PCYOX1: variants seen among roughly 807,000 people sequenced by gnomAD.
PCYOX1 encodes prenylcysteine lyase.
PCYOX1 carries 46 observed loss-of-function variants against 46.4 expected under a neutral mutation model. That is an observed-to-expected ratio of 0.99 (90% CI 0.78 to 1.27). The LOEUF (loss-of-function observed/expected upper bound fraction) is 1.27. Ranked by LOEUF, PCYOX1 falls within the 50% of genes most tolerant of loss-of-function variation. The pLI is 0.00. For missense variants in PCYOX1, 658 were observed against 628.3 expected (o/e 1.05, Z -0.51); for synonymous variants, 220 against 231.8 (o/e 0.95, Z 0.46).
intron 3 of PCYOX1, among the ~76,000 whole-genome samples, chr2:70,263,046 C>G (rs1050677622): frequency 2.0e-5 from 3 of 151,920 alleles, no homozygotes; most frequent in Admixed American, 6.6e-5. Context: ...CCAGCCTGAC[C>G]AACATGGTAA....
chr2:70,268,098 T>G lies in PCYOX1; in HGVS notation c.494+6712T>G, dbSNP rs533101332. 5.8e-3 allele frequency among the ~76,000 whole-genome samples: 884 copies of G among 152,200 alleles called. 11 individuals carry two copies. Among genetic ancestry groups the G allele is most frequent in the African/African-American group, 0.02 (848 of 41,570 alleles). ...TGCTGGGATTACAGGTGTGAGCCAC[T>G]GCACCCGGCCGTAAATTTGTGTTGT... On this transcript the variant is annotated intron_variant, in intron 3 of 5. Transcript: ENST00000433351.
intron 3 of PCYOX1, among the ~76,000 whole-genome samples, chr2:70,263,164 G>T (rs1225101661): frequency 2.0e-5 from 3 of 151,804 alleles, no homozygotes; most frequent in African/African-American, 4.8e-5. Flanking sequence ...AACCTGGGAG[G>T]CAGAGGTTGC....
At chr2:70,263,202 C>G (rs1053566082) in intron 3 of PCYOX1, among the ~76,000 whole-genome samples, 1 of 150,908 alleles carries the variant, frequency 6.6e-6, no homozygotes, top group African/African-American at 2.4e-5. Flanking sequence ...CCATTACACT[C>G]TAGCCTGGGG....
rs1266514919 is a variant in PCYOX1, at chr2:70,279,123, C to G, written c.*1731C>G. 2.0e-5 allele frequency: 3 copies of G among 151,936 alleles called. No homozygotes were observed. The highest frequency in any genetic ancestry group is 4.4e-5 in the Non-Finnish European group (3 of 67,984). 9.4% of individuals were successfully genotyped at this position (151,936 alleles called of 1,614,324 possible). A position where few individuals can be genotyped will look rare whatever the true frequency, so the allele number is the denominator to read the frequency against. On this transcript the variant is annotated 3_prime_UTR_variant, in exon 6 of 6. Transcript: ENST00000433351. Reference sequence around the variant, plus strand: ...AAAAAATCCTTCCATTGAATAGAAACTTCAAAGTCCTTCATCAGATCATGG... The same window carrying G: ...AAAAAATCCTTCCATTGAATAGAAAGTTCAAAGTCCTTCATCAGATCATGG...
In PCYOX1 at chr2:70,275,606, A is replaced by T. The variant is rs748660213; in HGVS notation, c.799A>T (p.Ser267Cys). 1 of 1,614,164 alleles carries T rather than the reference A, an allele frequency of 6.2e-7. No homozygotes were observed. The highest frequency in any genetic ancestry group is 1.1e-5 in the South Asian group (1 of 91,088). The change falls in exon 5 of 6, where the codon AGC becomes TGC. Residue 267 changes from serine (S) to cysteine (C), a missense_variant. By Grantham distance (112) the Ser-to-Cys change is moderately radical. Transcript: ENST00000433351. ...VCSGLLQASK[S>C]NLISGSVMYI... ...CTCAGGGCTTCTGCAGGCATCCAAA[A>T]GCAATCTTATATCTGGCTCAGTAAT...
In PCYOX1 at chr2:70,261,295, A is replaced by T. The variant is rs376749102; in HGVS notation, c.403A>T (p.Ile135Leu). 37 of 1,610,418 alleles carry T rather than the reference A, an allele frequency of 2.3e-5. No homozygotes were observed. In the African/African-American group the frequency reaches 3.7e-4, roughly 16 times the overall value. Residue 135 changes from isoleucine (I) to leucine (L), a missense_variant, in exon 3 of 6, where the codon ATA (isoleucine) becomes TTA (leucine). Physicochemically the swap from Ile to Leu is conservative, Grantham distance 5. Coordinates refer to ENST00000433351, the MANE Select transcript of PCYOX1 (RefSeq NM_016297.4). ...GGTATTTGAGGAGAGCAACTGGTTCATAATTAACGTGATTAAATTAGTTTG... is the reference window on the plus strand; with the variant it reads ...GGTATTTGAGGAGAGCAACTGGTTCTTAATTAACGTGATTAAATTAGTTTG... ...TLVFEESNWF[I>L]INVIKLVWRY...
intron 3 of PCYOX1, 115 bp from the exon 4 acceptor site, chr2:70,274,844 G>A (rs1379540556): frequency 1.4e-5 from 10 of 721,690 alleles, no homozygotes; most frequent in East Asian, 5.3e-5. Flanking sequence ...GATTATAGGC[G>A]TGAGCCACTG....
At position 70,278,832 on chromosome 2, in the gene PCYOX1, A is replaced by G. The variant is rs1696721984; in HGVS notation, c.*1440A>G. On this transcript the variant is annotated 3_prime_UTR_variant, in exon 6 of 6. Transcript: ENST00000433351. ...GTAGAACAGAACAAGCAAAAGATTA[A>G]GAGTTCAAAAGTAAATGCAACCAAT... The G allele has an allele frequency of 6.6e-6, 1 of 152,252 alleles. No homozygotes were observed. The highest frequency in any genetic ancestry group is 1.5e-5 in the Non-Finnish European group (1 of 68,052). The allele number at this position is 152,252 out of a possible 1,614,324, so 9.4% of individuals were successfully genotyped here. A position where few individuals can be genotyped will look rare whatever the true frequency, so the allele number is the denominator to read the frequency against.
intron 3 of PCYOX1, among the ~76,000 whole-genome samples, chr2:70,264,361 CTG>C (rs1198035629): frequency 6.7e-6 from 1 of 150,344 alleles, no homozygotes; most frequent in Non-Finnish European, 1.5e-5. Flanking sequence ...GAGTTTCACT[CTG>C]TCACCCAGGC....
chr2:70,258,301 G>A lies in PCYOX1; in HGVS notation c.112+25G>A, dbSNP rs776971667. Reference sequence around the variant, plus strand: ...GGTAGGCGAGAAGGGGGCGGCGCGGGAAGGTGCTGGAGCGCGCCCCGCGCC... The same window carrying A: ...GGTAGGCGAGAAGGGGGCGGCGCGGAAAGGTGCTGGAGCGCGCCCCGCGCC... On this transcript the variant is annotated intron_variant, in intron 1 of 5. Transcript: ENST00000433351. 2.0e-6 allele frequency: 3 copies of A among 1,493,332 alleles called. No homozygotes were observed. In the South Asian group the frequency reaches 3.6e-5, roughly 18 times the overall value. The allele number at this position is 1,493,332 out of a possible 1,614,324, so 92.5% of individuals were successfully genotyped here.
chr2:70,267,351 G>T (rs1696541283), intron 3 of PCYOX1, among the ~76,000 whole-genome samples: 1 of 151,824 alleles, frequency 6.6e-6, no homozygotes, highest in African/African-American at 2.4e-5. Flanking sequence ...ACGATGGGCG[G>T]CCAGGCAAAG....
At chr2:70,261,165 G>T in intron 2 of PCYOX1, 47 bp from the exon 3 acceptor site, 1 of 1,310,228 alleles carries the variant, frequency 7.6e-7, no homozygotes, top group South Asian at 1.3e-5. Flanking sequence ...TCTTTCATTT[G>T]ATCAGCATAG....
At chr2:70,276,505 C>G (rs1043440960) in intron 5 of PCYOX1, among the ~76,000 whole-genome samples, 4 of 152,056 alleles carry the variant, frequency 2.6e-5, no homozygotes, top group Non-Finnish European at 5.9e-5. Flanking sequence ...CATGCCCGGC[C>G]GAAAGATAAT....
intron 3 of PCYOX1, among the ~76,000 whole-genome samples, chr2:70,271,056 T>A (rs1394317992): frequency 6.6e-6 from 1 of 151,828 alleles, no homozygotes; most frequent in Admixed American, 6.6e-5. Flanking sequence ...AATTATTATT[T>A]TTTTGTTTTT....
chr2:70,275,035 TTCC>T lies in PCYOX1; in HGVS notation c.573_575del (p.Leu192del), dbSNP rs766755572. 6.2e-7 allele frequency: 1 copy of T among 1,613,656 alleles called. No homozygotes were observed. Among genetic ancestry groups the T allele is most frequent in the Non-Finnish European group, 8.5e-7 (1 of 1,179,530 alleles). Reference sequence around the variant, plus strand: ...ACTTCATGCTCTAGGAGGAGATGACTTCCTTGGAATGCTTAATCGAACACTTCT... The same window carrying T: ...ACTTCATGCTCTAGGAGGAGATGACTTTGGAATGCTTAATCGAACACTTCT... On this transcript the variant is annotated inframe_deletion, in exon 4 of 6. Transcript: ENST00000433351.
chr2:70,259,596 G>A (rs779063510), intron 2 of PCYOX1, 30 bp downstream of exon 2: 1 of 1,487,634 alleles, frequency 6.7e-7, no homozygotes, highest in African/African-American at 1.4e-5. Context: ...GAGCTCACCA[G>A]ATTACTGTGT....
intron 5 of PCYOX1, among the ~76,000 whole-genome samples, chr2:70,276,299 A>C (rs866477851): frequency 6.6e-6 from 1 of 151,190 alleles, no homozygotes; most frequent in African/African-American, 2.4e-5. Context: ...CGTCCCGAGT[A>C]GCTGGGACTA....
chr2:70,272,415 C>G (rs2104897877), intron 3 of PCYOX1, among the ~76,000 whole-genome samples: 1 of 152,204 alleles, frequency 6.6e-6, no homozygotes, highest in African/African-American at 2.4e-5. Flanking sequence ...GCATGAACCA[C>G]TGCGCCTGGC....
chr2:70,258,062 A>C, upstream of PCYOX1: 14 of 880,584 alleles, frequency 1.6e-5, no homozygotes, highest in Non-Finnish European at 2.2e-5. Context: ...CGGGGCTCGC[A>C]GGGGCTGGGC....
Sources: allele counts gnomAD v4.1 joint callset (sites outside exome capture counted in the v4.1 genomes callset), GRCh38; gene constraint gnomAD v4.1.1; transcripts MANE v1.5; gene names NCBI Gene and HGNC (gene_info 2026-07-23, HGNC 2026-07-21).